The following ANKRD36 variants were observed in gnomAD, a reference collection of about 807,000 sequenced individuals.
The protein encoded by ANKRD36 is ankyrin repeat domain-containing protein 36A.
In ANKRD36, 179 loss-of-function variants were observed where a neutral mutation model predicts 278.1. The observed-to-expected ratio is 0.64, with a 90% confidence interval of 0.57 to 0.73. The LOEUF is 0.73. Among genes scored for constraint, ANKRD36 ranks in the 30% least tolerant of loss-of-function variants. The pLI is 0.00. For missense variants in ANKRD36, 1,159 were observed against 1,956.7 expected (o/e 0.59, Z 7.69); for synonymous variants, 320 against 641.1 (o/e 0.50, Z 7.57).
intron 22 of ANKRD36, among the ~76,000 whole-genome samples, chr2:97,168,780 C>T (rs1432595913): frequency 4.8e-3 from 687 of 142,418 alleles, no homozygotes; most frequent in African/African-American, 0.021. Context: ...TTGCAAAGGA[C>T]ATGAACTCAT....
chr2:97,128,387 G>A (rs1425511874), intron 6 of ANKRD36, among the ~76,000 whole-genome samples: 1 of 151,778 alleles, frequency 6.6e-6, no homozygotes, highest in African/African-American at 2.4e-5. Context: ...CAGAGGAAGT[G>A]ATGTTGCAAA....
intron 30 of ANKRD36, among the ~76,000 whole-genome samples, chr2:97,186,077 A>G (rs928461315): frequency 6.6e-6 from 1 of 151,838 alleles, no homozygotes; most frequent in Admixed American, 6.6e-5. Context: ...GCATATTTAC[A>G]CAAAAAAGAT....
chr2:97,195,658 T>C (rs1013788507), intron 40 of ANKRD36, among the ~76,000 whole-genome samples: 12 of 151,984 alleles, frequency 7.9e-5, no homozygotes, highest in African/African-American at 2.4e-4. Context: ...ATATGGTGGC[T>C]TCCTTGTTCA....
intron 3 of ANKRD36, among the ~76,000 whole-genome samples, chr2:97,120,866 C>T (rs979264979): frequency 3.3e-5 from 5 of 152,066 alleles, no homozygotes; most frequent in Non-Finnish European, 7.3e-5. Context: ...TTAGGAGACT[C>T]GTGCACAGAT....
chr2:97,187,991 T>C (rs1382172026), intron 32 of ANKRD36, among the ~76,000 whole-genome samples: 9 of 151,718 alleles, frequency 5.9e-5, no homozygotes. Flanking sequence ...AAATATTTGA[T>C]TTTGGCAGCT....
intron 22 of ANKRD36, among the ~76,000 whole-genome samples, chr2:97,170,838 T>C (rs1299803942): frequency 4.7e-5 from 7 of 150,080 alleles, no homozygotes; most frequent in Non-Finnish European, 8.9e-5. Context: ...TACAATGAAC[T>C]CAAACAAATT....
At chr2:97,243,265 A>G (rs2074856309) in intron 69 of ANKRD36, among the ~76,000 whole-genome samples, 4 of 146,926 alleles carry the variant, frequency 2.7e-5, no homozygotes, top group African/African-American at 9.7e-5. Flanking sequence ...TGGTTCAGAA[A>G]GGCAGGCCAA....
chr2:97,210,732 A>C (rs1373111552), intron 56 of ANKRD36, among the ~76,000 whole-genome samples: 1 of 151,864 alleles, frequency 6.6e-6, no homozygotes, highest in East Asian at 2.0e-4. Flanking sequence ...ATTCTAATTA[A>C]CTCCTAAAAT....
chr2:97,170,103 G>T (rs570506759), intron 22 of ANKRD36, among the ~76,000 whole-genome samples: 3 of 151,552 alleles, frequency 2.0e-5, no homozygotes, highest in African/African-American at 7.3e-5. Context: ...TAGAACAGAG[G>T]CCTCAGAAGC....
chr2:97,225,270 A>C (rs2069054058), intron 67 of ANKRD36, among the ~76,000 whole-genome samples: 1 of 151,984 alleles, frequency 6.6e-6, no homozygotes, highest in Admixed American at 6.6e-5. Flanking sequence ...CTAGTGGTTC[A>C]AACTTTGCAG....
chr2:97,203,984 A>G (rs1252734663), intron 48 of ANKRD36, 84 bp from the exon 49 acceptor site: 18 of 1,522,420 alleles, frequency 1.2e-5, no homozygotes, highest in Non-Finnish European at 1.2e-5. Flanking sequence ...AGGAGGACAG[A>G]GGCTGATGCT....
intron 66 of ANKRD36, 112 bp downstream of exon 66, chr2:97,219,358 T>G (rs2066776910): frequency 1.5e-6 from 2 of 1,294,340 alleles, no homozygotes; most frequent in Admixed American, 5.7e-5. Flanking sequence ...ATTTCAGGAT[T>G]TCATCTAAAT....
At chr2:97,164,497 T>C in intron 20 of ANKRD36, 28 bp downstream of exon 20, 1 of 1,527,882 alleles carries the variant, frequency 6.5e-7, no homozygotes, top group Non-Finnish European at 8.8e-7. Context: ...AATTTCGTTC[T>C]AGAAAATGTA....
intron 58 of ANKRD36, 36 bp downstream of exon 58, chr2:97,211,777 C>T (rs778865460): frequency 6.3e-5 from 98 of 1,545,652 alleles, no homozygotes; most frequent in Non-Finnish European, 8.2e-5. Flanking sequence ...GATGTTCGGT[C>T]AGGGTAGAAG....
At chr2:97,210,572 T>A (rs1266011262) in intron 56 of ANKRD36, among the ~76,000 whole-genome samples, 1 of 151,832 alleles carries the variant, frequency 6.6e-6, no homozygotes, top group East Asian at 2.0e-4. Context: ...TTGATTTTAG[T>A]TATAAAAATG....
chr2:97,205,867 A>G, intron 50 of ANKRD36, 73 bp from the exon 51 acceptor site: 9 of 1,481,894 alleles, frequency 6.1e-6, no homozygotes, highest in Non-Finnish European at 8.2e-6. Context: ...GGTTGATGCT[A>G]ACTCTGCTTG....
rs58474116 is a variant in ANKRD36, at chr2:97,117,047, CTT to C, written c.198-1002_198-1001del. 5.3e-3 allele frequency among the ~76,000 whole-genome samples: 764 copies of C among 143,450 alleles called. 1 individual carries two copies. Among genetic ancestry groups the C allele is most frequent in the Non-Finnish European group, 7.6e-3 (504 of 66,042 alleles). 94.1% of individuals were successfully genotyped at this position (143,450 alleles called of 152,430 possible). ...TTAATCCCAGTTGGATCTTTTATTC[CTT>C]TTTTTTTTTTTTTTAAACAAAAGCA... On this transcript the variant is annotated intron_variant, in intron 1 of 75. Coordinates refer to ENST00000420699, the MANE Select transcript of ANKRD36 (RefSeq NM_001354587.1).
intron 12 of ANKRD36, 130 bp downstream of exon 12, chr2:97,149,491 A>G: frequency 1.4e-6 from 1 of 736,794 alleles, no homozygotes; most frequent in Non-Finnish European, 2.0e-6. Context: ...ATTAGAGATA[A>G]CCATTTTAAA....
rs370587826 is a variant in ANKRD36, at chr2:97,149,310, T to G, written c.1050T>G (p.Pro350=). 4.6e-6 allele frequency: 7 copies of G among 1,534,022 alleles called. No individual in the cohort carries two copies. The highest frequency in any genetic ancestry group is 2.5e-5 in the East Asian group (1 of 40,468). The change falls in exon 12 of 76, where the codon CCT becomes CCG. Residue 350 remains proline (P), a synonymous_variant. Coordinates refer to ENST00000420699, the MANE Select transcript of ANKRD36 (RefSeq NM_001354587.1). ...TGCTCTGTAGGAGTCTCTACAGACC[T>G]GATGCTGTTGCACAGCCTGTGACAG... ...EQCLNRSLYR[P]DAVAQPVTEN...
Sources: gnomAD v4.1 joint callset for allele counts (sites outside exome capture counted in the v4.1 genomes callset) on GRCh38, gnomAD v4.1.1 for gene constraint, MANE v1.5 for transcripts, NCBI Gene and HGNC (gene_info 2026-07-23, HGNC 2026-07-21) for gene names.